CDX1: variants seen among roughly 807,000 people sequenced by gnomAD.
CDX1 encodes the protein homeobox protein CDX-1.
A neutral mutation model predicts 16.9 loss-of-function variants in CDX1; 9 were observed. The ratio of observed to expected loss-of-function variants is 0.53; its 90% CI spans 0.32 to 0.93. The LOEUF is 0.93. CDX1 is among the 40% of genes least tolerant of loss of function. The pLI, the probability that CDX1 is intolerant of heterozygous loss-of-function variation, is 0.04. For missense variants in CDX1, 393 were observed against 386.1 expected, an observed-to-expected ratio of 1.02 and a Z score of -0.15; for synonymous variants, 179 against 179.0, an observed-to-expected ratio of 1.00 and a Z score of 0.00.
chr5:150,172,608 C>G (rs960828533), intron 1 of CDX1, among the ~76,000 whole-genome samples: 8 of 152,116 alleles, frequency 5.3e-5, no homozygotes, highest in African/African-American at 1.9e-4. Context: ...CATGGGCATC[C>G]CAGCCAGGTT....
At chr5:150,177,634 G>A (rs1761585916) in intron 1 of CDX1, among the ~76,000 whole-genome samples, 1 of 152,150 alleles carries the variant, frequency 6.6e-6, no homozygotes, top group South Asian at 2.1e-4. Flanking sequence ...AGTGATAGTT[G>A]CCCAACTCCA....
intron 1 of CDX1, among the ~76,000 whole-genome samples, chr5:150,174,605 C>T (rs779819510): frequency 6.6e-6 from 1 of 152,206 alleles, no homozygotes; most frequent in Non-Finnish European, 1.5e-5. Context: ...GGCTGTTGAA[C>T]ACTTGAAATA....
chr5:150,170,706 T>C (rs775628774), intron 1 of CDX1, among the ~76,000 whole-genome samples: 1 of 152,068 alleles, frequency 6.6e-6, no homozygotes, highest in Non-Finnish European at 1.5e-5. Flanking sequence ...AAGACTTCAG[T>C]TTCTTCTAAG....
chr5:150,173,063 C>G lies in CDX1; in HGVS notation c.445+5742C>G, dbSNP rs1333602340. Reference sequence around the variant, plus strand: ...ACCCCTCAGGCTTGTGGGGGCACCCCACATGGATCCCCCCCATCAACAGAA... The same window carrying G: ...ACCCCTCAGGCTTGTGGGGGCACCCGACATGGATCCCCCCCATCAACAGAA... On this transcript the variant is annotated intron_variant, in intron 1 of 2. Coordinates refer to ENST00000231656, the MANE Select transcript of CDX1 (RefSeq NM_001804.3). Among the ~76,000 whole-genome samples, 7 of 152,206 alleles carry G rather than the reference C, an allele frequency of 4.6e-5. No individual in the cohort carries two copies. In the South Asian group the frequency reaches 1.4e-3, roughly 31 times the overall value.
At chr5:150,168,212 C>T (rs1430024067) in intron 1 of CDX1, among the ~76,000 whole-genome samples, 1 of 152,208 alleles carries the variant, frequency 6.6e-6, no homozygotes, top group Non-Finnish European at 1.5e-5. Context: ...GCCTTGGGGG[C>T]GGGAAGCTGG....
Position 150,166,789 on chromosome 5 carries a change from C to T in CDX1, c.-88C>T, listed in dbSNP as rs929986593. 13 of 954,154 alleles carry T rather than the reference C, an allele frequency of 1.4e-5. No individual in the cohort carries two copies. The African/African-American group carries it at 1.9e-4, about 14-fold the overall frequency. The allele number at this position is 954,154 out of a possible 1,614,324, so 59.1% of individuals were successfully genotyped here. A position where few individuals can be genotyped will look rare whatever the true frequency, so the allele number is the denominator to read the frequency against. On this transcript the variant is annotated 5_prime_UTR_variant, in exon 1 of 3. Coordinates refer to ENST00000231656, the MANE Select transcript of CDX1 (RefSeq NM_001804.3). ...GGGGCGGGCGCGGCGGCAGGACAGC[C>T]GAGTTCAGGTGAGCGGTTGCTCGTC... is the stretch of plus-strand genomic sequence containing the variant.
chr5:150,178,920 G>A (rs1192746865), intron 1 of CDX1, among the ~76,000 whole-genome samples: 1 of 151,604 alleles, frequency 6.6e-6, no homozygotes, highest in Non-Finnish European at 1.5e-5. Flanking sequence ...TCTTTTTAAT[G>A]ACTGCATAAT....
At chr5:150,170,916 T>A (rs1295327839) in intron 1 of CDX1, among the ~76,000 whole-genome samples, 1 of 152,190 alleles carries the variant, frequency 6.6e-6, no homozygotes, top group East Asian at 1.9e-4. Context: ...TATCATCATT[T>A]TCATTAGGAT....
chr5:150,172,356 C>T (rs538487921), intron 1 of CDX1, among the ~76,000 whole-genome samples: 1 of 152,260 alleles, frequency 6.6e-6, no homozygotes, highest in Non-Finnish European at 1.5e-5. Context: ...GTGCCAGGCA[C>T]TGTGCCAATA....
At chr5:150,171,536 C>T (rs1294850881) in intron 1 of CDX1, among the ~76,000 whole-genome samples, 1 of 152,206 alleles carries the variant, frequency 6.6e-6, no homozygotes, top group African/African-American at 2.4e-5. Context: ...CGGGGTTTCA[C>T]CGTGTTAGCC....
intron 1 of CDX1, among the ~76,000 whole-genome samples, chr5:150,172,793 T>C (rs1194091663): frequency 4.6e-5 from 7 of 152,222 alleles, no homozygotes; most frequent in Non-Finnish European, 1.0e-4. Context: ...CAGAAGGCTT[T>C]TTTTTGGTTG....
intron 1 of CDX1, among the ~76,000 whole-genome samples, chr5:150,167,575 T>TG (rs1037930845): frequency 6.6e-5 from 10 of 152,192 alleles, no homozygotes; most frequent in African/African-American, 2.4e-4. Context: ...AGTGCGGAAA[T>TG]GCGCCTGCGG....
intron 1 of CDX1, among the ~76,000 whole-genome samples, chr5:150,169,408 TTCCCAAGGC>T (rs1761475450): frequency 6.6e-6 from 1 of 151,896 alleles, no homozygotes; most frequent in Non-Finnish European, 1.5e-5. Context: ...GGTCTGGGGG[TTCCCAAGGC>T]TCCAGGAAAG....
In CDX1 at chr5:150,167,036, G is replaced by A; in HGVS notation, c.160G>A (p.Ala54Thr). The A allele has an allele frequency of 7.0e-7, 1 of 1,422,720 alleles. No homozygotes were observed. The highest frequency in any genetic ancestry group is 9.1e-7 in the Non-Finnish European group (1 of 1,093,052). 88.1% of individuals were successfully genotyped at this position (1,422,720 alleles called of 1,614,324 possible). ...DFSSYSHVEPAPAPPTAWGAP... is the reference protein window; with the variant it reads ...DFSSYSHVEPTPAPPTAWGAP... ...CTCCAGCTACTCTCACGTGGAGCCGGCCCCCGCGCCCCCGACGGCCTGGGG... is the reference window on the plus strand; with the variant it reads ...CTCCAGCTACTCTCACGTGGAGCCGACCCCCGCGCCCCCGACGGCCTGGGG... The change falls in exon 1 of 3, where the codon GCC (alanine) becomes ACC (threonine). Residue 54 changes from alanine (A) to threonine (T), a missense_variant. Transcript: ENST00000231656.
At chr5:150,178,946 T>G (rs1761606950) in intron 1 of CDX1, among the ~76,000 whole-genome samples, 1 of 152,146 alleles carries the variant, frequency 6.6e-6, no homozygotes, top group Admixed American at 6.5e-5. Context: ...TCTCCACGAA[T>G]GCACCATCCC....
At chr5:150,174,537 G>T (rs1027500028) in intron 1 of CDX1, among the ~76,000 whole-genome samples, 4 of 152,222 alleles carry the variant, frequency 2.6e-5, no homozygotes, top group African/African-American at 9.6e-5. Context: ...AGGACTTTCC[G>T]CCAGGATGGA....
intron 1 of CDX1, 68 bp from the exon 2 acceptor site, chr5:150,182,699 CT>C: frequency 6.8e-7 from 1 of 1,461,082 alleles, no homozygotes. Flanking sequence ...CCTGGGGGTC[CT>C]GCCTGGGCCT....
Position 150,166,872 on chromosome 5 carries a change from C to T in CDX1, c.-5C>T. 1 of 1,482,750 alleles carries T rather than the reference C, an allele frequency of 6.7e-7. No individual in the cohort carries two copies. The highest frequency in any genetic ancestry group is 8.9e-7 in the Non-Finnish European group (1 of 1,121,682). 91.8% of individuals were successfully genotyped at this position (1,482,750 alleles called of 1,614,324 possible). ...CCAGCATGCGCGGGGGACCCCGCGG[C>T]CACCATGTATGTGGGCTATGTGCTG... On this transcript the variant is annotated 5_prime_UTR_variant, in exon 1 of 3. Coordinates refer to ENST00000231656, the MANE Select transcript of CDX1 (RefSeq NM_001804.3).
rs532322736 is a variant in CDX1 at position 150,181,391 on chromosome 5, T to G, written c.446-1377T>G. Reference sequence around the variant, plus strand: ...CAAGCAATTCTCCTGTTTTCCCGCCTCAGCCTCCTGGGTAGCTGGGATTAC... The same window carrying G: ...CAAGCAATTCTCCTGTTTTCCCGCCGCAGCCTCCTGGGTAGCTGGGATTAC... On this transcript the variant is annotated intron_variant, in intron 1 of 2. Coordinates refer to ENST00000231656, the MANE Select transcript of CDX1 (RefSeq NM_001804.3). 3.3e-5 allele frequency among the ~76,000 whole-genome samples: 5 copies of G among 152,322 alleles called. No individual in the cohort carries two copies. The East Asian group carries it at 9.6e-4, about 29-fold the overall frequency.
Sources: gnomAD v4.1 joint callset for allele counts (sites outside exome capture counted in the v4.1 genomes callset) on GRCh38, gnomAD v4.1.1 for gene constraint, MANE v1.5 for transcripts, NCBI Gene and HGNC (gene_info 2026-07-23, HGNC 2026-07-21) for gene names.